Variants in KLHL2 observed in about 807,000 individuals in gnomAD.
KLHL2 encodes the protein kelch like family member 2.
In KLHL2, 15 loss-of-function variants were observed where a neutral mutation model predicts 75.8. That is an observed-to-expected ratio of 0.20 (90% CI 0.13 to 0.30). The LOEUF is 0.30. Ranked by LOEUF, KLHL2 falls within the 10% of genes least tolerant of loss-of-function variation. The pLI, the probability that KLHL2 is intolerant of heterozygous loss-of-function variation, is 1.00. For synonymous variants in KLHL2, 214 were observed against 251.9 expected, an observed-to-expected ratio of 0.85 and a Z score of 1.42; for missense variants, 381 against 741.0, an observed-to-expected ratio of 0.51 and a Z score of 5.64.
chr4:165,263,165 A>G (rs1422224928), intron 4 of KLHL2, 32 bp from the exon 5 acceptor site: 4 of 1,608,776 alleles, frequency 2.5e-6, no homozygotes, highest in African/African-American at 1.3e-5. Context: ...TTTCCACCCA[A>G]GTGCCTAAGA....
At chr4:165,271,640 A>C (rs1267303982) in intron 5 of KLHL2, among the ~76,000 whole-genome samples, 3 of 152,044 alleles carry the variant, frequency 2.0e-5, no homozygotes, top group Non-Finnish European at 2.9e-5. Flanking sequence ...GATGCCCTTT[A>C]TTTCTTTCTT....
At chr4:165,296,704 G>C (rs1744940439) in intron 6 of KLHL2, among the ~76,000 whole-genome samples, 1 of 152,120 alleles carries the variant, frequency 6.6e-6, no homozygotes, top group Non-Finnish European at 1.5e-5. Context: ...AGGGGGGAGA[G>C]AAGACAGAAC....
chr4:165,274,497 T>C (rs1314849134), intron 5 of KLHL2, among the ~76,000 whole-genome samples: 2 of 151,706 alleles, frequency 1.3e-5, no homozygotes, highest in African/African-American at 4.8e-5. Context: ...TAGTCCCAGC[T>C]ATTTGGGAGG....
intron 5 of KLHL2, among the ~76,000 whole-genome samples, chr4:165,264,721 C>CAT (rs1187856274): frequency 0.075 from 5,291 of 70,416 alleles, 615 homozygotes; most frequent in East Asian, 0.12. Flanking sequence ...TATATATATA[C>CAT]ATATATATAT....
intron 5 of KLHL2, among the ~76,000 whole-genome samples, chr4:165,264,767 A>ATATATAT (rs1742109332): frequency 2.8e-5 from 2 of 72,042 alleles, no homozygotes; most frequent in South Asian, 1.2e-3. Context: ...TATATATATA[A>ATATATAT]AACATTATCC....
chr4:165,217,491 A>G (rs1737631424), intron 1 of KLHL2, among the ~76,000 whole-genome samples: 1 of 152,210 alleles, frequency 6.6e-6, no homozygotes. Context: ...CATAGGGAGT[A>G]GAGTGGCACC....
intron 7 of KLHL2, among the ~76,000 whole-genome samples, chr4:165,298,208 T>A (rs934056513): frequency 1.3e-5 from 2 of 152,216 alleles, no homozygotes; most frequent in African/African-American, 4.8e-5. Context: ...AAGGTAGTAT[T>A]TGTGGTCACT....
At chr4:165,213,334 A>G (rs990504723) in intron 1 of KLHL2, among the ~76,000 whole-genome samples, 12 of 152,278 alleles carry the variant, frequency 7.9e-5, no homozygotes, top group Middle Eastern at 3.4e-3. Flanking sequence ...ACTTATCAAA[A>G]CCAGAGACTC....
At chr4:165,217,976 T>C (rs1407722484) in intron 1 of KLHL2, among the ~76,000 whole-genome samples, 1 of 152,178 alleles carries the variant, frequency 6.6e-6, no homozygotes, top group Non-Finnish European at 1.5e-5. Context: ...GCCAAAAGAC[T>C]TGGAGTCATT....
Position 165,233,113 on chromosome 4 carries a change from T to G in KLHL2, c.259+4200T>G, listed in dbSNP as rs184649752. Among the ~76,000 whole-genome samples, 154 of 152,266 alleles carry G rather than the reference T, an allele frequency of 1.0e-3. 1 individual carries two copies. The highest frequency in any genetic ancestry group is 3.6e-3 in the African/African-American group (148 of 41,536). Reference sequence around the variant, plus strand: ...ATCTCATAAACTGTAGGTGAAGTTTTCATTTAAATTATGTCACCTAAGAAA... The same window carrying G: ...ATCTCATAAACTGTAGGTGAAGTTTGCATTTAAATTATGTCACCTAAGAAA... On this transcript the variant is annotated intron_variant, in intron 3 of 14. Transcript: ENST00000226725.
intron 5 of KLHL2, among the ~76,000 whole-genome samples, chr4:165,264,750 A>ATATATC (rs1742090837): frequency 1.1e-5 from 1 of 88,350 alleles, no homozygotes. Flanking sequence ...GTATATATAT[A>ATATATC]TATATATATA....
chr4:165,245,224 A>C (rs114721396), intron 4 of KLHL2, among the ~76,000 whole-genome samples: 6,400 of 152,072 alleles, frequency 0.042, 294 homozygotes, highest in African/African-American at 0.11. Flanking sequence ...ACAACAACAA[A>C]AAAAACTGAG....
chr4:165,242,074 T>C (rs183551386), intron 4 of KLHL2, among the ~76,000 whole-genome samples: 1,686 of 152,094 alleles, frequency 0.011, 36 homozygotes, highest in Non-Finnish European at 0.011. Flanking sequence ...TATGGCAGAA[T>C]TGGAGGATAA....
intron 5 of KLHL2, among the ~76,000 whole-genome samples, chr4:165,272,636 T>C (rs1742787686): frequency 6.6e-6 from 1 of 151,996 alleles, no homozygotes; most frequent in African/African-American, 2.4e-5. Context: ...GTAGGATTAA[T>C]GCACAGGATA....
intron 2 of KLHL2, among the ~76,000 whole-genome samples, chr4:165,225,355 C>A (rs11722313): frequency 0.067 from 10,203 of 152,224 alleles, 709 homozygotes; most frequent in African/African-American, 0.17. Flanking sequence ...CCTCACATGA[C>A]TGTAAACTTC....
At chr4:165,283,366 G>A (rs1743840175) in intron 5 of KLHL2, among the ~76,000 whole-genome samples, 1 of 152,258 alleles carries the variant, frequency 6.6e-6, no homozygotes, top group Non-Finnish European at 1.5e-5. Flanking sequence ...TCAAAGGCAA[G>A]TTAGTTACTT....
intron 5 of KLHL2, among the ~76,000 whole-genome samples, chr4:165,281,642 C>G (rs1010626401): frequency 1.2e-4 from 18 of 152,148 alleles, no homozygotes; most frequent in Non-Finnish European, 2.4e-4. Context: ...CCTGGTATGG[C>G]AAATTCTAGG....
rs55960426 is a variant in KLHL2, at chr4:165,264,585, CATATAT to C, written c.544+1242_544+1247del. ...TTTTTATGGCAGAGTAGTATTCCATCATATATATATATATATATATACACACACACA... is the reference window on the plus strand; with the variant it reads ...TTTTTATGGCAGAGTAGTATTCCATCATATATATATATATACACACACACA... On this transcript the variant is annotated intron_variant, in intron 5 of 14. Transcript: ENST00000226725. Among the ~76,000 whole-genome samples the C allele has an allele frequency of 3.8e-4, 49 of 129,360 alleles. 1 individual carries two copies. The highest frequency in any genetic ancestry group is 3.9e-3 in the Middle Eastern group (1 of 254). 84.9% of individuals were successfully genotyped at this position (129,360 alleles called of 152,430 possible). A position where few individuals can be genotyped will look rare whatever the true frequency, so the allele number is the denominator to read the frequency against.
intron 4 of KLHL2, among the ~76,000 whole-genome samples, chr4:165,241,625 AT>A (rs1739823354): frequency 6.6e-6 from 1 of 152,162 alleles, no homozygotes; most frequent in African/African-American, 2.4e-5. Context: ...AAAGTATAAT[AT>A]TGGGCTAGAA....
Sources: allele counts gnomAD v4.1 joint callset (sites outside exome capture counted in the v4.1 genomes callset), GRCh38; gene constraint gnomAD v4.1.1; transcripts MANE v1.5; gene names NCBI Gene and HGNC (gene_info 2026-07-23, HGNC 2026-07-21).